Variants in HACL2 observed in about 807,000 individuals in gnomAD.
The protein encoded by HACL2 is 2-hydroxyacyl-CoA lyase 1 like.
At chr19:15,116,168 C>A in the HACL2 span, 1 of 1,613,558 alleles carries the variant, frequency 6.2e-7, no homozygotes, top group Non-Finnish European at 8.5e-7. Context: ...CGAGCCAGCG[C>A]AGGGGGCCGC....
At chr19:15,119,488 G>T in the HACL2 span, 1 of 1,614,084 alleles carries the variant, frequency 6.2e-7, no homozygotes, top group Non-Finnish European at 8.5e-7. Context: ...CTCTTGGCCC[G>T]GCTCAGGATC....
chr19:15,123,788 T>C, the HACL2 span: 1 of 590,052 alleles, frequency 1.7e-6, no homozygotes, highest in East Asian at 2.8e-5. The surrounding 1 kb of genome is among the most constrained non-coding windows in gnomAD (Gnocchi z 5.1). Flanking sequence ...ACATCCCTCT[T>C]ACAGCTGAGG....
At chr19:15,119,286 A>G in the HACL2 span, 4 of 1,606,786 alleles carry the variant, frequency 2.5e-6, no homozygotes, top group African/African-American at 4.0e-5. Context: ...GGAACACCCA[A>G]GGTCTCCACG....
the HACL2 span, chr19:15,115,901 G>GT: frequency 6.2e-7 from 1 of 1,614,114 alleles, no homozygotes; most frequent in Non-Finnish European, 8.5e-7. Flanking sequence ...CAAAAGCTCC[G>GT]TCCCCAAACA....
At chr19:15,122,651 A>ACGGGGGAT in the HACL2 span, 1 of 1,530,000 alleles carries the variant, frequency 6.5e-7, no homozygotes, top group African/African-American at 1.4e-5. This position sits in a 1 kb window ranked among gnomAD's most constrained non-coding sequence, Gnocchi z 4.0. Context: ...GCAGGAGAGA[A>ACGGGGGAT]CGGGGGATAA....
chr19:15,120,235 TA>T, the HACL2 span, among the ~76,000 whole-genome samples: 1 of 152,118 alleles, frequency 6.6e-6, no homozygotes, highest in African/African-American at 2.4e-5. Flanking sequence ...AGACGAACCC[TA>T]GTGGCCAGGT....
the HACL2 span, chr19:15,122,718 CCTTGGGTGG>C: frequency 3.4e-5 from 55 of 1,614,046 alleles, no homozygotes; most frequent in Non-Finnish European, 4.7e-5. The surrounding 1 kb of genome is among the most constrained non-coding windows in gnomAD (Gnocchi z 4.0). Flanking sequence ...CCCACGAGGC[CCTTGGGTGG>C]CTTGGCTGGC....
chr19:15,123,223 C>T, the HACL2 span: 2 of 1,613,878 alleles, frequency 1.2e-6, no homozygotes, highest in Middle Eastern at 1.6e-4. The surrounding 1 kb of genome is among the most constrained non-coding windows in gnomAD (Gnocchi z 5.1). Context: ...CCTGCTGTCA[C>T]TGCCGCCACG....
At chr19:15,115,990 C>T in the HACL2 span, 1 of 1,614,142 alleles carries the variant, frequency 6.2e-7, no homozygotes, top group South Asian at 1.1e-5. Flanking sequence ...CTCCCAACTC[C>T]AGTGCCTCAC....
the HACL2 span, chr19:15,122,630 G>C: frequency 2.2e-6 from 3 of 1,374,282 alleles, no homozygotes; most frequent in African/African-American, 1.4e-5. The surrounding 1 kb of genome is among the most constrained non-coding windows in gnomAD (Gnocchi z 4.0). Context: ...GATGGGTGTG[G>C]GCTGGAAGCT....
chr19:15,123,677 G>A, the HACL2 span: 1 of 1,042,252 alleles, frequency 9.6e-7, no homozygotes, highest in South Asian at 1.5e-5. The surrounding 1 kb of genome is among the most constrained non-coding windows in gnomAD (Gnocchi z 5.1). Flanking sequence ...GGCAGGAGCA[G>A]GGTGAGAGGT....
At chr19:15,118,157 G>A in the HACL2 span, 1 of 1,013,478 alleles carries the variant, frequency 9.9e-7, no homozygotes, top group South Asian at 1.5e-5. Flanking sequence ...TGACCTTGCA[G>A]CTCCCCACAC....
At chr19:15,119,228 G>C in the HACL2 span, 2 of 1,609,034 alleles carry the variant, frequency 1.2e-6, no homozygotes, top group Non-Finnish European at 1.7e-6. Context: ...GATGTGGAGG[G>C]GGTGGTTGCG....
chr19:15,123,350 C>CCAGCCCT, the HACL2 span: 1 of 1,610,164 alleles, frequency 6.2e-7, no homozygotes, highest in Non-Finnish European at 8.5e-7. This position sits in a 1 kb window ranked among gnomAD's most constrained non-coding sequence, Gnocchi z 5.1. Flanking sequence ...CAACCAGTCC[C>CCAGCCCT]CAGCCCTCTC....
chr19:15,115,274 C>G, the HACL2 span: 1 of 1,614,134 alleles, frequency 6.2e-7, no homozygotes, highest in Non-Finnish European at 8.5e-7. Flanking sequence ...GGAGCCATCG[C>G]GGAAGTCCGT....
chr19:15,117,049 C>A, the HACL2 span: 1 of 165,552 alleles, frequency 6.0e-6, no homozygotes, highest in Non-Finnish European at 1.3e-5. Flanking sequence ...AGCAGCCCCC[C>A]TGGCCTCCAC....
chr19:15,117,891 CT>C, the HACL2 span: 1 of 1,614,010 alleles, frequency 6.2e-7, no homozygotes, highest in Non-Finnish European at 8.5e-7. Context: ...CCTGCACAGC[CT>C]CCTGGGGCTT....
the HACL2 span, among the ~76,000 whole-genome samples, chr19:15,122,137 C>A: frequency 6.6e-6 from 1 of 151,346 alleles, no homozygotes; most frequent in Non-Finnish European, 1.5e-5. The surrounding 1 kb of genome is among the most constrained non-coding windows in gnomAD (Gnocchi z 4.0). Context: ...GATCTCCTGA[C>A]CTCGTGATCT....
chr19:15,119,752 T>C, the HACL2 span, among the ~76,000 whole-genome samples: 1 of 152,130 alleles, frequency 6.6e-6, no homozygotes, highest in Non-Finnish European at 1.5e-5. Flanking sequence ...GGTTTCACCA[T>C]GTTGGCCAGG....
Sources: gnomAD v4.1 joint callset for allele counts (sites outside exome capture counted in the v4.1 genomes callset) on GRCh38, gnomAD v4.1.1 for gene constraint, Gnocchi (gnomAD v3.1) non-coding constraint, MANE v1.5 for transcripts, NCBI Gene and HGNC (gene_info 2026-07-23, HGNC 2026-07-21) for gene names.